Variants in XPO4 observed in about 807,000 individuals in gnomAD.
The protein encoded by XPO4 is exportin-4.
In XPO4, 39 loss-of-function variants were observed where a neutral mutation model predicts 143.0. That is an observed-to-expected ratio of 0.27 (90% CI 0.21 to 0.36). The LOEUF (loss-of-function observed/expected upper bound fraction) is 0.36, where lower values mean the gene tolerates loss of function less well. Ranked by LOEUF, XPO4 falls within the 10% of genes least tolerant of loss-of-function variation. The probability of loss-of-function intolerance (pLI) is 1.00; values close to 1 mark genes in which losing one functional copy is unlikely to be tolerated. For synonymous variants in XPO4, 439 were observed against 474.0 expected (o/e 0.93, Z 0.96); for missense variants, 907 against 1,348.0 (o/e 0.67, Z 5.12).
intron 13 of XPO4, among the ~76,000 whole-genome samples, chr13:20,802,174 G>C (rs1008726381): frequency 6.6e-6 from 1 of 151,992 alleles, no homozygotes; most frequent in African/African-American, 2.4e-5. Flanking sequence ...CCTCCTGCCT[G>C]AGTTTCCCAA....
At chr13:20,820,849 C>T (rs779803000) in intron 9 of XPO4, among the ~76,000 whole-genome samples, 4 of 152,196 alleles carry the variant, frequency 2.6e-5, no homozygotes, top group South Asian at 2.1e-4. Context: ...ATCTAACCAA[C>T]ACAACTTACA....
intron 1 of XPO4, chr13:20,902,366 T>C (rs1380704711): frequency 1.0e-6 from 1 of 985,322 alleles, no homozygotes; most frequent in African/African-American, 1.7e-5. Context: ...CGCCTTGCTC[T>C]GCGACCCAGT....
chr13:20,830,241 A>C (rs2059836199), intron 6 of XPO4, among the ~76,000 whole-genome samples: 1 of 152,108 alleles, frequency 6.6e-6, no homozygotes, highest in Non-Finnish European at 1.5e-5. Context: ...CGAGCATGGG[A>C]GATTTATGAG....
chr13:20,791,529 TATC>T (rs1222417226), intron 18 of XPO4, among the ~76,000 whole-genome samples: 2 of 152,146 alleles, frequency 1.3e-5, no homozygotes, highest in Non-Finnish European at 2.9e-5. Context: ...CCATTAAAAA[TATC>T]ATCACAGATT....
chr13:20,800,840 C>T lies in XPO4; in HGVS notation c.1968G>A (p.Leu656=). 1 of 1,613,538 alleles carries T rather than the reference C, an allele frequency of 6.2e-7. No homozygotes were observed. Among genetic ancestry groups the T allele is most frequent in the Non-Finnish European group, 8.5e-7 (1 of 1,179,848 alleles). The change falls in exon 14 of 23, where the codon CTG becomes CTA. Residue 656 remains leucine (L), a synonymous_variant. Coordinates refer to ENST00000255305, the MANE Select transcript of XPO4 (RefSeq NM_022459.5). The part of the protein sequence containing the change: ...AKTYLLVDEK[L]YDQISLPFST... The stretch of plus-strand genomic sequence containing the variant: ...AGTTTTACATTCTGACCTGATCATA[C>T]AGTTTTTCATCCACCAGGAGATAAG...
chr13:20,867,887 A>G (rs1343802986), intron 2 of XPO4, among the ~76,000 whole-genome samples: 1 of 152,210 alleles, frequency 6.6e-6, no homozygotes, highest in African/African-American at 2.4e-5. Context: ...AGCTTATAAA[A>G]TAACAATAAC....
intron 19 of XPO4, among the ~76,000 whole-genome samples, chr13:20,789,566 T>TG (rs1555330239): frequency 8.0e-4 from 120 of 150,608 alleles, no homozygotes; most frequent in Middle Eastern, 3.4e-3. Context: ...GGCTTTTTTT[T>TG]TGTGTGTGTG....
At chr13:20,823,696 G>C (rs1209978524) in intron 7 of XPO4, among the ~76,000 whole-genome samples, 4 of 151,916 alleles carry the variant, frequency 2.6e-5, no homozygotes, top group African/African-American at 7.3e-5. Flanking sequence ...TTGTTGCCCA[G>C]GCTGGAGTGC....
At chr13:20,900,915 ATT>A (rs1335103592) in intron 1 of XPO4, among the ~76,000 whole-genome samples, 1 of 152,074 alleles carries the variant, frequency 6.6e-6, no homozygotes, top group Non-Finnish European at 1.5e-5. Flanking sequence ...CCCGGCTGTA[ATT>A]TCCTGTTTTT....
chr13:20,814,224 T>G (rs1489883371), intron 9 of XPO4, among the ~76,000 whole-genome samples: 2 of 151,306 alleles, frequency 1.3e-5, no homozygotes, highest in African/African-American at 4.8e-5. Context: ...GGATATTTTC[T>G]AAGACCTATC....
At chr13:20,873,280 C>A (rs937158612) in intron 1 of XPO4, among the ~76,000 whole-genome samples, 1 of 152,058 alleles carries the variant, frequency 6.6e-6, no homozygotes, top group Non-Finnish European at 1.5e-5. Context: ...GTTCTAGGGG[C>A]ATCCAAAATT....
chr13:20,872,884 C>T (rs563742454), intron 1 of XPO4, among the ~76,000 whole-genome samples: 18 of 152,156 alleles, frequency 1.2e-4, no homozygotes, highest in Middle Eastern at 3.4e-3. Flanking sequence ...CCTCCAGGAC[C>T]CAATACAGAC....
At chr13:20,837,782 C>A (rs998699316) in intron 6 of XPO4, among the ~76,000 whole-genome samples, 6 of 152,200 alleles carry the variant, frequency 3.9e-5, no homozygotes, top group African/African-American at 7.2e-5. Context: ...GAGGAAGATG[C>A]AAAAGTGGAA....
intron 4 of XPO4, chr13:20,848,715 A>T (rs1033382067): frequency 5.1e-6 from 5 of 985,286 alleles, no homozygotes; most frequent in Non-Finnish European, 6.0e-6. Context: ...TGGATTAATG[A>T]ATCAGTGTTT....
chr13:20,859,204 CA>C (rs1379687970), intron 3 of XPO4, among the ~76,000 whole-genome samples: 1 of 151,888 alleles, frequency 6.6e-6, no homozygotes, highest in Non-Finnish European at 1.5e-5. Flanking sequence ...CACGGTGGCT[CA>C]CACCTGTAAT....
At chr13:20,807,737 A>G (rs544808441) in intron 12 of XPO4, 103 bp from the exon 13 acceptor site, 43 of 897,448 alleles carry the variant, frequency 4.8e-5, no homozygotes, top group Non-Finnish European at 6.0e-5. Context: ...ATATAAATTG[A>G]TGTAAATTAT....
chr13:20,877,110 C>G (rs898746190), intron 1 of XPO4, among the ~76,000 whole-genome samples: 1 of 152,190 alleles, frequency 6.6e-6, no homozygotes, highest in African/African-American at 2.4e-5. Flanking sequence ...CAAGTGCCCC[C>G]ACTCGACCCA....
At chr13:20,791,241 A>G (rs2059276464) in intron 18 of XPO4, among the ~76,000 whole-genome samples, 1 of 152,152 alleles carries the variant, frequency 6.6e-6, no homozygotes, top group Non-Finnish European at 1.5e-5. Flanking sequence ...AGCAATACAA[A>G]TTTTAAAAAG....
chr13:20,887,827 C>T (rs2060474860), intron 1 of XPO4, among the ~76,000 whole-genome samples: 2 of 151,392 alleles, frequency 1.3e-5, no homozygotes, highest in Non-Finnish European at 2.9e-5. Flanking sequence ...TACCACGGCA[C>T]TCCAGCCTGG....
Sources: gnomAD v4.1 joint callset for allele counts (sites outside exome capture counted in the v4.1 genomes callset) on GRCh38, gnomAD v4.1.1 for gene constraint, MANE v1.5 for transcripts, NCBI Gene and HGNC (gene_info 2026-07-23, HGNC 2026-07-21) for gene names.